The following LRFN5 variants were observed in gnomAD, a reference collection of about 807,000 sequenced individuals.
LRFN5 encodes the protein leucine rich repeat and fibronectin type III domain containing 5.
Under a neutral mutation model 45.6 loss-of-function variants are expected in LRFN5, and 24 were observed. The ratio of observed to expected loss-of-function variants is 0.53; its 90% CI spans 0.38 to 0.74. The LOEUF (loss-of-function observed/expected upper bound fraction) is 0.74. LRFN5 is among the 30% of genes least tolerant of loss of function. The pLI is 0.00. For synonymous variants in LRFN5, 340 were observed against 313.8 expected (o/e 1.08, Z -0.88); for missense variants, 776 against 861.5 (o/e 0.90, Z 1.24).
intron 1 of LRFN5, among the ~76,000 whole-genome samples, chr14:41,709,213 C>A (rs1375154734): frequency 6.6e-6 from 1 of 151,724 alleles, no homozygotes. Context: ...TATTTTATAT[C>A]TGTTGGATTG....
intron 2 of LRFN5, among the ~76,000 whole-genome samples, chr14:41,836,775 G>A (rs1476219103): frequency 1.3e-5 from 2 of 152,110 alleles, no homozygotes; most frequent in Non-Finnish European, 2.9e-5. Context: ...CAGAGAGATA[G>A]GGATGCCTCC....
At chr14:41,641,692 C>T (rs1458566213) in intron 1 of LRFN5, among the ~76,000 whole-genome samples, 1 of 151,858 alleles carries the variant, frequency 6.6e-6, no homozygotes, top group Admixed American at 6.6e-5. Context: ...GTGTCCCAAA[C>T]CTGATATTAA....
intron 2 of LRFN5, among the ~76,000 whole-genome samples, chr14:41,822,848 GGGTT>G (rs1240822519): frequency 1.1e-5 from 1 of 91,740 alleles, no homozygotes; most frequent in Non-Finnish European, 2.1e-5. Flanking sequence ...TATATATTTA[GGGTT>G]GTTTTTTTTT....
chr14:41,623,420 C>T (rs546917958), intron 1 of LRFN5, among the ~76,000 whole-genome samples: 7 of 152,060 alleles, frequency 4.6e-5, no homozygotes, highest in South Asian at 2.1e-4. Flanking sequence ...TACCTAGTCT[C>T]GGGCAGTTCT....
At chr14:41,634,147 G>A (rs1272553629) in intron 1 of LRFN5, among the ~76,000 whole-genome samples, 1 of 152,050 alleles carries the variant, frequency 6.6e-6, no homozygotes, top group Non-Finnish European at 1.5e-5. Flanking sequence ...CTCATACTAT[G>A]TAATAGTTCT....
Position 41,904,457 on chromosome 14 carries a change from A to G in LRFN5, c.*282A>G, listed in dbSNP as rs2139187350. The G allele has an allele frequency of 2.8e-6, 1 of 360,504 alleles. No homozygotes were observed. The allele number at this position is 360,504 out of a possible 1,614,324, so 22.3% of individuals were successfully genotyped here. ...TACATTGGCATCAAGTTCTGTATCA[A>G]TCCATCTTACATTGCCATCCATGAT... On this transcript the variant is annotated 3_prime_UTR_variant, in exon 6 of 6. Coordinates refer to ENST00000298119, the MANE Select transcript of LRFN5 (RefSeq NM_152447.5).
chr14:41,814,906 G>T (rs537153643), intron 2 of LRFN5, among the ~76,000 whole-genome samples: 117 of 152,190 alleles, frequency 7.7e-4, no homozygotes, highest in Non-Finnish European at 1.5e-3. Flanking sequence ...AAAGAGTATT[G>T]CTGGTTAAGA....
At chr14:41,892,942 C>T (rs1201985532) in intron 4 of LRFN5, 1 of 985,106 alleles carries the variant, frequency 1.0e-6, no homozygotes, top group African/African-American at 1.7e-5. Flanking sequence ...GGGAGACAAA[C>T]ATACAAGACT....
intron 2 of LRFN5, among the ~76,000 whole-genome samples, chr14:41,817,376 T>C (rs1887957910): frequency 6.6e-6 from 1 of 152,084 alleles, no homozygotes; most frequent in Non-Finnish European, 1.5e-5. Flanking sequence ...GCTAGGTAAA[T>C]AGAAATGCTA....
intron 1 of LRFN5, among the ~76,000 whole-genome samples, chr14:41,620,455 G>A (rs570173382): frequency 6.6e-6 from 1 of 152,148 alleles, no homozygotes; most frequent in South Asian, 2.1e-4. Flanking sequence ...CATTGGTTTT[G>A]TGGTACATGT....
At chr14:41,903,916 T>TA in intron 5 of LRFN5, among the ~76,000 whole-genome samples, 1 of 152,098 alleles carries the variant, frequency 6.6e-6, no homozygotes, top group South Asian at 2.1e-4. Context: ...ATACTTAGAT[T>TA]AAAAAAATAA....
chr14:41,798,575 A>C (rs1195924627), intron 2 of LRFN5, among the ~76,000 whole-genome samples: 1 of 151,968 alleles, frequency 6.6e-6, no homozygotes, highest in Admixed American at 6.6e-5. Context: ...TAGATCCATG[A>C]ATGTATCTTT....
chr14:41,648,867 A>G (rs1035023273), intron 1 of LRFN5, among the ~76,000 whole-genome samples: 3 of 152,182 alleles, frequency 2.0e-5, no homozygotes, highest in African/African-American at 7.2e-5. Context: ...TATAGAAATA[A>G]TATTCTAGAA....
chr14:41,773,980 C>G (rs1367053204), intron 2 of LRFN5, among the ~76,000 whole-genome samples: 2 of 152,192 alleles, frequency 1.3e-5, no homozygotes, highest in Non-Finnish European at 2.9e-5. Context: ...TCTCTGCTGT[C>G]TCTGCCTGCT....
intron 2 of LRFN5, among the ~76,000 whole-genome samples, chr14:41,864,917 A>G (rs1889787135): frequency 6.6e-6 from 1 of 151,880 alleles, no homozygotes; most frequent in Non-Finnish European, 1.5e-5. Context: ...ATTTTATAAT[A>G]TATATTCTTA....
Position 41,645,774 on chromosome 14 carries a change from A to G in LRFN5, c.-197+37212A>G, listed in dbSNP as rs1432356170. Among the ~76,000 whole-genome samples, 4 of 152,208 alleles carry G rather than the reference A, an allele frequency of 2.6e-5. No homozygotes were observed. In the South Asian group the frequency reaches 6.2e-4, roughly 24 times the overall value. ...AAATTGATTGCAATATTTCTTGTAG[A>G]TTGGAAGGGCAGAGTGAAGCAGAAT... On this transcript the variant is annotated intron_variant, in intron 1 of 5. Coordinates refer to ENST00000298119, the MANE Select transcript of LRFN5 (RefSeq NM_152447.5).
At chr14:41,633,141 C>T (rs1339613781) in intron 1 of LRFN5, among the ~76,000 whole-genome samples, 1 of 151,708 alleles carries the variant, frequency 6.6e-6, no homozygotes, top group Non-Finnish European at 1.5e-5. Flanking sequence ...AAACACAATA[C>T]CTGTCACAAA....
intron 1 of LRFN5, among the ~76,000 whole-genome samples, chr14:41,717,689 C>T (rs1005397561): frequency 1.3e-5 from 2 of 152,158 alleles, no homozygotes; most frequent in African/African-American, 2.4e-5. Context: ...TAGTTTTTAT[C>T]ATTGAGTGTC....
intron 1 of LRFN5, among the ~76,000 whole-genome samples, chr14:41,742,204 A>T (rs557202854): frequency 6.6e-6 from 1 of 151,828 alleles, no homozygotes; most frequent in East Asian, 1.9e-4. Flanking sequence ...TGAACGAGAT[A>T]CCTGTACTTT....
Sources: gnomAD v4.1 joint callset for allele counts (sites outside exome capture counted in the v4.1 genomes callset) on GRCh38, gnomAD v4.1.1 for gene constraint, MANE v1.5 for transcripts, NCBI Gene and HGNC (gene_info 2026-07-23, HGNC 2026-07-21) for gene names.